ASXL3: variants seen among roughly 807,000 people sequenced by gnomAD.
The protein encoded by ASXL3 is putative Polycomb group protein ASXL3.
In ASXL3, 34 loss-of-function variants were observed where a neutral mutation model predicts 170.6. The ratio of observed to expected loss-of-function variants is 0.20; its 90% confidence interval spans 0.15 to 0.27. The LOEUF (loss-of-function observed/expected upper bound fraction) is 0.27, where lower values mean the gene tolerates loss of function less well. Among genes scored for constraint, ASXL3 ranks in the 10% least tolerant of loss-of-function variants. The pLI, the probability that ASXL3 is intolerant of heterozygous loss-of-function variation, is 1.00. For missense variants in ASXL3, 2,592 were observed against 2,695.3 expected, an observed-to-expected ratio of 0.96 and a Z score of 0.85; for synonymous variants, 1,002 against 989.1, an observed-to-expected ratio of 1.01 and a Z score of -0.24.
Position 33,740,312 on chromosome 18 carries a change from C to T in ASXL3, c.2908C>T (p.His970Tyr), listed in dbSNP as rs1166616933. 2 of 1,611,718 alleles carry T rather than the reference C, an allele frequency of 1.2e-6. No homozygotes were observed. The highest frequency in any genetic ancestry group is 1.7e-5 in the Admixed American group (1 of 59,576). Reference protein sequence around the residue: ...EISKRKTAEQHSFGICKEKRA... With the variant: ...EISKRKTAEQYSFGICKEKRA... Reference sequence around the variant, plus strand: ...ATCAAAGAGAAAAACTGCAGAGCAACACAGCTTTGGAATCTGTAAGGAAAA... The same window carrying T: ...ATCAAAGAGAAAAACTGCAGAGCAATACAGCTTTGGAATCTGTAAGGAAAA... The change falls in exon 11 of 12, where the codon CAC (histidine) becomes TAC (tyrosine). Residue 970 changes from histidine (H) to tyrosine (Y), a missense_variant. This residue lies in a region of ASXL3 where 2,246 missense variants were observed against 2,219.6 expected (regional missense o/e 1.01). Transcript: ENST00000269197.
intron 5 of ASXL3, among the ~76,000 whole-genome samples, chr18:33,669,667 G>C (rs954344454): frequency 2.0e-5 from 3 of 152,200 alleles, no homozygotes; most frequent in Non-Finnish European, 4.4e-5. Context: ...TCTTTCAGGA[G>C]ATTCTGACAA....
intron 8 of ASXL3, among the ~76,000 whole-genome samples, chr18:33,726,811 C>T (rs1028358703): frequency 6.6e-6 from 1 of 152,188 alleles, no homozygotes; most frequent in Non-Finnish European, 1.5e-5. Flanking sequence ...CCAGCCCCCT[C>T]AAGGGAGAAG....
At chr18:33,597,718 T>G (rs187696512) in intron 1 of ASXL3, among the ~76,000 whole-genome samples, 21 of 152,056 alleles carry the variant, frequency 1.4e-4, no homozygotes, top group Admixed American at 5.9e-4. Context: ...CCAGTTCTGC[T>G]TCTTACCTGG....
chr18:33,720,183 C>A (rs1304166718), intron 8 of ASXL3, among the ~76,000 whole-genome samples: 1 of 152,040 alleles, frequency 6.6e-6, no homozygotes, highest in Non-Finnish European at 1.5e-5. Flanking sequence ...TTAAAAAAGA[C>A]ATTTTACCCT....
chr18:33,750,425 TG>T lies in ASXL3; in HGVS notation c.*3831del, dbSNP rs1489311407. ...AACTTTGTTGTATTTGTACTGTTCT[TG>T]AATGTTTCAAAGAAAGTGCTTTACT... is the stretch of plus-strand genomic sequence containing the variant. On this transcript the variant is annotated 3_prime_UTR_variant, in exon 12 of 12. Transcript: ENST00000269197. The T allele has an allele frequency of 6.6e-6, 1 of 152,240 alleles. No homozygotes were observed. The highest frequency in any genetic ancestry group is 1.5e-5 in the Non-Finnish European group (1 of 68,050). The allele number at this position is 152,240 out of a possible 1,614,324, so 9.4% of individuals were successfully genotyped here. A position where few individuals can be genotyped will look rare whatever the true frequency, so the allele number is the denominator to read the frequency against.
At chr18:33,658,899 G>A (rs1599457418) in intron 4 of ASXL3, among the ~76,000 whole-genome samples, 1 of 152,156 alleles carries the variant, frequency 6.6e-6, no homozygotes, top group East Asian at 1.9e-4. Flanking sequence ...TTCAACTGTT[G>A]TCCTGCCCTC....
chr18:33,607,511 A>G, intron 1 of ASXL3, 83 bp from the exon 2 acceptor site: 1 of 1,112,846 alleles, frequency 9.0e-7, no homozygotes, highest in Non-Finnish European at 1.3e-6. Context: ...CTAATAAAAT[A>G]AGCAGAGAAT....
intron 4 of ASXL3, among the ~76,000 whole-genome samples, chr18:33,652,936 T>C (rs2066024761): frequency 6.6e-6 from 1 of 151,990 alleles, no homozygotes; most frequent in East Asian, 1.9e-4. Flanking sequence ...ATGGAGAAAT[T>C]GGGGCATACA....
rs1358629797 is a variant in ASXL3 at position 33,661,743 on chromosome 18, A to T, written c.477+6A>T. 23 of 1,610,910 alleles carry T rather than the reference A, an allele frequency of 1.4e-5. No homozygotes were observed. The highest frequency in any genetic ancestry group is 1.9e-5 in the Non-Finnish European group (22 of 1,178,774). On this transcript the variant is annotated splice_donor_region_variant and intron_variant, in intron 5 of 11. Transcript: ENST00000269197. ...CCAAAAAGGCTCTTAAACAGGTAAG[A>T]TAGCTGCCATTTATTCTTTGTCCTT... is the stretch of plus-strand genomic sequence containing the variant.
rs760483583 is a variant in ASXL3, at chr18:33,744,867, C to T, written c.5019C>T (p.His1673=). The T allele has an allele frequency of 9.2e-5, 149 of 1,613,916 alleles. No individual in the cohort carries two copies. The highest frequency in any genetic ancestry group is 3.3e-4 in the Middle Eastern group (2 of 6,084). The change falls in exon 12 of 12, where the codon CAC becomes CAT. Residue 1673 remains histidine (H), a synonymous_variant. Transcript: ENST00000269197. ...NVALPVKSEL[H]EADKGFRMDT... ...CTCTTCCTGTGAAATCTGAACTTCA[C>T]GAAGCAGACAAGGGCTTTAGAATGG... is the stretch of plus-strand genomic sequence containing the variant.
At position 33,624,027 on chromosome 18, in the gene ASXL3, G is replaced by T. The variant is rs571846839; in HGVS notation, c.137+16351G>T. 2.4e-4 allele frequency among the ~76,000 whole-genome samples: 37 copies of T among 152,214 alleles called. 1 individual carries two copies. In the South Asian group the frequency reaches 3.9e-3, roughly 16 times the overall value. On this transcript the variant is annotated intron_variant, in intron 2 of 11. Coordinates refer to ENST00000269197, the MANE Select transcript of ASXL3 (RefSeq NM_030632.3). ...AAAAAAACCAGCCAGGTGTGATTGT[G>T]CATACCTGTGGTTCTAGCTACTTGG...
At position 33,739,349 on chromosome 18, in the gene ASXL3, T is replaced by C; in HGVS notation, c.1945T>C (p.Phe649Leu). ...TACTCCAGCCTCCCTTGAGACAACATTTTGTTCTGAGGTATCTAGCACTGA... is the reference window on the plus strand; with the variant it reads ...TACTCCAGCCTCCCTTGAGACAACACTTTGTTCTGAGGTATCTAGCACTGA... Reference protein sequence around the residue: ...SCTPASLETTFCSEVSSTENT... With the variant: ...SCTPASLETTLCSEVSSTENT... The change falls in exon 11 of 12, where the codon TTT becomes CTT. Residue 649 changes from phenylalanine (F) to leucine (L), a missense_variant. Transcript: ENST00000269197. 6.2e-7 allele frequency: 1 copy of C among 1,613,574 alleles called. No homozygotes were observed. The highest frequency in any genetic ancestry group is 1.7e-5 in the Admixed American group (1 of 59,902).
chr18:33,735,347 G>C (rs1231199831), intron 10 of ASXL3, among the ~76,000 whole-genome samples: 1 of 152,182 alleles, frequency 6.6e-6, no homozygotes, highest in Admixed American at 6.5e-5. Context: ...AGGGTGCTCA[G>C]AGTATGCTAC....
chr18:33,634,895 C>CAAGCAGTGTGGTGGTAGACTG (rs375079965), intron 2 of ASXL3, among the ~76,000 whole-genome samples: 21 of 152,246 alleles, frequency 1.4e-4, no homozygotes, highest in African/African-American at 5.1e-4. Flanking sequence ...TAGTTGCCAT[C>CAAGCAGTGTGGTGGTAGACTG]AAGCAGTGTG....
intron 2 of ASXL3, among the ~76,000 whole-genome samples, chr18:33,637,393 G>A (rs1318528549): frequency 6.6e-6 from 1 of 152,076 alleles, no homozygotes; most frequent in African/African-American, 2.4e-5. Flanking sequence ...TGGTGAGTGT[G>A]CAAAAGGAGA....
At chr18:33,655,387 A>G (rs2066067248) in intron 4 of ASXL3, among the ~76,000 whole-genome samples, 2 of 152,166 alleles carry the variant, frequency 1.3e-5, no homozygotes, top group Admixed American at 6.6e-5. Flanking sequence ...AAAGAGAATC[A>G]GTGCTTGTAA....
At chr18:33,655,415 C>T (rs1246365592) in intron 4 of ASXL3, among the ~76,000 whole-genome samples, 2 of 151,828 alleles carry the variant, frequency 1.3e-5, no homozygotes, top group African/African-American at 4.8e-5. Context: ...ACTCCATGTC[C>T]TTTGAAAGGG....
chr18:33,733,643 C>G (rs2145400601), intron 9 of ASXL3, among the ~76,000 whole-genome samples: 1 of 152,326 alleles, frequency 6.6e-6, no homozygotes, highest in Admixed American at 6.5e-5. Context: ...CCCTCTGTCT[C>G]TCATAGAAAA....
At chr18:33,741,893 C>G (rs2067669812) in intron 11 of ASXL3, among the ~76,000 whole-genome samples, 1 of 152,174 alleles carries the variant, frequency 6.6e-6, no homozygotes, top group Admixed American at 6.5e-5. Flanking sequence ...ACAGCCATGA[C>G]TAAGAATGCT....
Sources: allele counts gnomAD v4.1 joint callset (sites outside exome capture counted in the v4.1 genomes callset), GRCh38; gene constraint gnomAD v4.1.1; regional missense constraint gnomAD v4.1.1; transcripts MANE v1.5; gene names NCBI Gene and HGNC (gene_info 2026-07-23, HGNC 2026-07-21).